The following CSMD3 variants were observed in gnomAD, a reference collection of about 807,000 sequenced individuals.
CSMD3 encodes CUB and sushi domain-containing protein 3.
Under a neutral mutation model 435.2 loss-of-function variants are expected in CSMD3, and 177 were observed. That is an observed-to-expected ratio of 0.41 (90% CI 0.36 to 0.46). The LOEUF is 0.46. CSMD3 is among the 20% of genes least tolerant of loss of function. The pLI, the probability that CSMD3 is intolerant of heterozygous loss-of-function variation, is 0.34. For missense variants in CSMD3, 4,265 were observed against 4,504.6 expected (o/e 0.95, Z 1.52); for synonymous variants, 1,656 against 1,520.5 (o/e 1.09, Z -2.07).
chr8:112,261,537 T>C (rs1406594126), intron 61 of CSMD3, among the ~76,000 whole-genome samples: 1 of 151,982 alleles, frequency 6.6e-6, no homozygotes, highest in Non-Finnish European at 1.5e-5. Flanking sequence ...TGTGTGTGTG[T>C]GCATATGGCA....
At chr8:113,073,490 T>C (rs1394955994) in intron 5 of CSMD3, among the ~76,000 whole-genome samples, 1 of 151,842 alleles carries the variant, frequency 6.6e-6, no homozygotes, top group African/African-American at 2.4e-5. Context: ...CCTGCACATG[T>C]AGGTGTAACC....
intron 45 of CSMD3, among the ~76,000 whole-genome samples, chr8:112,320,623 A>G (rs1188656146): frequency 6.7e-6 from 1 of 150,194 alleles, no homozygotes; most frequent in Non-Finnish European, 1.5e-5. Flanking sequence ...ATATCTCCGA[A>G]TGCTATCCCT....
intron 64 of CSMD3, among the ~76,000 whole-genome samples, chr8:112,246,035 CA>C (rs1343721605): frequency 6.6e-6 from 1 of 152,110 alleles, no homozygotes; most frequent in Non-Finnish European, 1.5e-5. Flanking sequence ...TAGAGGACAT[CA>C]AAGAACAATG....
intron 1 of CSMD3, among the ~76,000 whole-genome samples, chr8:113,353,709 G>A (rs2094204084): frequency 6.6e-6 from 1 of 152,080 alleles, no homozygotes; most frequent in Non-Finnish European, 1.5e-5. Flanking sequence ...TCACTCTTCA[G>A]ACAAGGTTTC....
At chr8:113,058,222 A>G (rs2088437857) in intron 5 of CSMD3, among the ~76,000 whole-genome samples, 1 of 151,846 alleles carries the variant, frequency 6.6e-6, no homozygotes, top group African/African-American at 2.4e-5. Context: ...ATCTAACTTT[A>G]TTTCTTTTTA....
intron 13 of CSMD3, among the ~76,000 whole-genome samples, chr8:112,715,295 C>A (rs1384154606): frequency 6.6e-6 from 1 of 152,242 alleles, no homozygotes; most frequent in South Asian, 2.1e-4. Flanking sequence ...ACTATAAACA[C>A]CTCTGTGCAA....
At chr8:112,282,311 C>T (rs560653055) in intron 58 of CSMD3, among the ~76,000 whole-genome samples, 2 of 151,826 alleles carry the variant, frequency 1.3e-5, no homozygotes, top group East Asian at 3.9e-4. Flanking sequence ...TACATATATA[C>T]ATAAAAATCA....
intron 3 of CSMD3, among the ~76,000 whole-genome samples, chr8:113,272,999 T>C (rs114247275): frequency 0.01 from 1,540 of 152,140 alleles, 22 homozygotes; most frequent in African/African-American, 0.036. Flanking sequence ...AAATAACTAG[T>C]GAAGTGAATT....
At chr8:113,355,791 GTGTT>G (rs1437276282) in intron 1 of CSMD3, among the ~76,000 whole-genome samples, 46 of 117,696 alleles carry the variant, frequency 3.9e-4, no homozygotes, top group African/African-American at 6.1e-4. Flanking sequence ...GTGTGTGTGT[GTGTT>G]TGTCAACTAT....
intron 3 of CSMD3, among the ~76,000 whole-genome samples, chr8:113,177,979 C>T (rs2092371722): frequency 6.6e-6 from 1 of 151,860 alleles, no homozygotes; most frequent in African/African-American, 2.4e-5. Flanking sequence ...ACACTCTTCT[C>T]TATTAGTTGA....
intron 1 of CSMD3, among the ~76,000 whole-genome samples, chr8:113,324,272 A>T (rs999757921): frequency 2.4e-4 from 36 of 152,206 alleles, no homozygotes; most frequent in Admixed American, 7.9e-4. Context: ...TCTCCAGGGC[A>T]TGTTGGAAGA....
intron 5 of CSMD3, among the ~76,000 whole-genome samples, chr8:113,072,506 C>A (rs2089169708): frequency 6.6e-6 from 1 of 151,656 alleles, no homozygotes; most frequent in African/African-American, 2.4e-5. Context: ...TTTTAAATTA[C>A]GAATGGATGC....
At chr8:112,913,880 G>A (rs973039793) in intron 10 of CSMD3, among the ~76,000 whole-genome samples, 14 of 151,556 alleles carry the variant, frequency 9.2e-5, no homozygotes, top group Non-Finnish European at 2.1e-4. Context: ...TTCCTTAATC[G>A]TCTTTGAACG....
intron 3 of CSMD3, among the ~76,000 whole-genome samples, chr8:113,200,130 C>T (rs1392627895): frequency 6.6e-6 from 1 of 151,770 alleles, no homozygotes; most frequent in South Asian, 2.1e-4. Flanking sequence ...TCTTAATAAC[C>T]GGCAGCATTT....
At chr8:112,563,591 C>G (rs1828825132) in intron 24 of CSMD3, among the ~76,000 whole-genome samples, 1 of 151,876 alleles carries the variant, frequency 6.6e-6, no homozygotes, top group Non-Finnish European at 1.5e-5. Flanking sequence ...TGATGTTCAT[C>G]TTTGACTGAA....
chr8:112,717,424 G>A (rs762931000), intron 13 of CSMD3, among the ~76,000 whole-genome samples: 41 of 152,220 alleles, frequency 2.7e-4, no homozygotes, highest in Non-Finnish European at 4.1e-4. Context: ...CAATGCTGGC[G>A]AGGCTGTGGA....
intron 13 of CSMD3, among the ~76,000 whole-genome samples, chr8:112,784,959 A>G (rs1183017301): frequency 6.6e-6 from 1 of 152,008 alleles, no homozygotes; most frequent in Non-Finnish European, 1.5e-5. Context: ...GACACATCAG[A>G]AAAAGAAAGC....
intron 3 of CSMD3, among the ~76,000 whole-genome samples, chr8:113,261,228 CTG>C (rs2093424787): frequency 6.6e-6 from 1 of 152,030 alleles, no homozygotes; most frequent in Non-Finnish European, 1.5e-5. Flanking sequence ...AAATAATAAT[CTG>C]TTATAGTTTA....
chr8:113,146,600 A>G (rs1415883125), intron 4 of CSMD3, among the ~76,000 whole-genome samples: 1 of 151,646 alleles, frequency 6.6e-6, no homozygotes, highest in Non-Finnish European at 1.5e-5. Context: ...ATGCATTACC[A>G]AAGAAAAAGA....
Sources: allele counts gnomAD v4.1 joint callset (sites outside exome capture counted in the v4.1 genomes callset), GRCh38; gene constraint gnomAD v4.1.1; transcripts MANE v1.5; gene names NCBI Gene and HGNC (gene_info 2026-07-23, HGNC 2026-07-21).